PIEZO1: variants seen among roughly 807,000 people sequenced by gnomAD.
The protein encoded by PIEZO1 is piezo type mechanosensitive ion channel component 1 (Er blood group), also known as piezo-type mechanosensitive ion channel component 1.
A neutral mutation model predicts 297.2 loss-of-function variants in PIEZO1; 296 were observed. The observed-to-expected ratio is 1.00, with a 90% confidence interval of 0.91 to 1.10. The LOEUF is 1.10. Ranked by LOEUF, PIEZO1 falls within the 50% of genes least tolerant of loss-of-function variation. The pLI, the probability that PIEZO1 is intolerant of heterozygous loss-of-function variation, is 0.00. For synonymous variants in PIEZO1, 2,427 were observed against 1,507.5 expected, an observed-to-expected ratio of 1.61 and a Z score of -14.13; for missense variants, 5,018 against 3,455.5, an observed-to-expected ratio of 1.45 and a Z score of -11.34.
At chr16:88,717,868 C>T (rs986633882) in intron 44 of PIEZO1, 26 of 424,906 alleles carry the variant, frequency 6.1e-5, no homozygotes, top group African/African-American at 4.8e-4. Flanking sequence ...TGTGGCGGCT[C>T]ACACTTGTCA....
In PIEZO1 at chr16:88,726,826, C is replaced by T; in HGVS notation, c.3588G>A (p.Leu1196=). The T allele has an allele frequency of 6.5e-7, 1 of 1,550,340 alleles. No individual in the cohort carries two copies. The highest frequency in any genetic ancestry group is 8.7e-7 in the Non-Finnish European group (1 of 1,146,944). The stretch of plus-strand genomic sequence containing the variant: ...GCAGCAGGGCCGTGCCGAAGAGCAG[C>T]AGGTAGAAGCAGGCCAGCAGGTAGC... The part of the protein sequence containing the change: ...GLGYLLACFY[L]LLFGTALLQR... Residue 1196 remains leucine, a synonymous_variant, in exon 25 of 51, where the codon CTG becomes CTA. Coordinates refer to ENST00000301015, the MANE Select transcript of PIEZO1 (RefSeq NM_001142864.4).
At chr16:88,750,856 C>A (rs1295525808) in intron 1 of PIEZO1, among the ~76,000 whole-genome samples, 1 of 146,598 alleles carries the variant, frequency 6.8e-6, no homozygotes, top group African/African-American at 2.8e-5. Context: ...CACTATCCAC[C>A]CACCCTCCAC....
At chr16:88,727,317 C>CCTGGGTGAGTGG (rs1445033514) in intron 23 of PIEZO1, 125 bp from the exon 24 acceptor site, 8 of 1,146,994 alleles carry the variant, frequency 7.0e-6, no homozygotes, top group Non-Finnish European at 8.4e-6. Context: ...CACACGTCTG[C>CCTGGGTGAGTGG]CTGGGTGAGT....
At position 88,736,420 on chromosome 16, in the gene PIEZO1, A is replaced by G; in HGVS notation, c.1297-12T>C. On this transcript the variant is annotated splice_polypyrimidine_tract_variant and intron_variant, in intron 11 of 50. Coordinates refer to ENST00000301015, the MANE Select transcript of PIEZO1 (RefSeq NM_001142864.4). Reference sequence around the variant, plus strand: ...GTGATGCTCCATACCTGCGCGGCAGAGAGGGCTGCACAGCTGCCCAGCGCA... The same window carrying G: ...GTGATGCTCCATACCTGCGCGGCAGGGAGGGCTGCACAGCTGCCCAGCGCA... 1 of 1,535,916 alleles carries G rather than the reference A, an allele frequency of 6.5e-7. No homozygotes were observed. The highest frequency in any genetic ancestry group is 8.8e-7 in the Non-Finnish European group (1 of 1,139,594).
At chr16:88,747,438 C>T (rs1906121191) in intron 2 of PIEZO1, among the ~76,000 whole-genome samples, 2 of 152,346 alleles carry the variant, frequency 1.3e-5, no homozygotes, top group South Asian at 2.1e-4. Context: ...ATCGCTTGAA[C>T]CCGCGAGGCG....
intron 1 of PIEZO1, among the ~76,000 whole-genome samples, chr16:88,779,541 G>C (rs1457086838): frequency 6.6e-6 from 1 of 152,228 alleles, no homozygotes; most frequent in African/African-American, 2.4e-5. Flanking sequence ...CACTGGCCCT[G>C]AACCAGAACT....
At chr16:88,769,680 C>T (rs898035790) in intron 1 of PIEZO1, among the ~76,000 whole-genome samples, 1 of 151,644 alleles carries the variant, frequency 6.6e-6, no homozygotes. Flanking sequence ...GAGAGGACCC[C>T]GGGCCTGGCT....
At chr16:88,757,406 C>T (rs907541345) in intron 1 of PIEZO1, among the ~76,000 whole-genome samples, 1 of 150,708 alleles carries the variant, frequency 6.6e-6, no homozygotes, top group African/African-American at 2.4e-5. Flanking sequence ...TGTGTGGACA[C>T]TGGCAGCCTG....
rs570106950 is a variant in PIEZO1, at chr16:88,726,550, C to T, written c.3793G>A (p.Asp1265Asn). Residue 1265 changes from aspartate to asparagine, a missense_variant, in exon 26 of 51, where the codon GAC becomes AAC. Physicochemically the swap from Asp to Asn is conservative, Grantham distance 23. Transcript: ENST00000301015. ...CGCCACCGTCCTGGCCACTCACGGT[C>T]ATAGTAGCCCTTGACGGTGCATACA... ...SLVCTVKGYYDPKEMMDRDQD... is the reference protein window; with the variant it reads ...SLVCTVKGYYNPKEMMDRDQD... 2.4e-4 allele frequency: 371 copies of T among 1,549,564 alleles called. 1 individual carries two copies. In the African/African-American group the frequency reaches 4.7e-3, roughly 20 times the overall value.
chr16:88,778,807 C>A (rs1907793759), intron 1 of PIEZO1, among the ~76,000 whole-genome samples: 1 of 152,148 alleles, frequency 6.6e-6, no homozygotes, highest in Non-Finnish European at 1.5e-5. Flanking sequence ...GTGTGCCATC[C>A]CACACACTGG....
chr16:88,715,443 C>G lies in PIEZO1; in HGVS notation c.*162G>C. ...ACGCAGGCCGTGGGGACGCAGTGTC[C>G]TTCTCTGACAGCAGCATCAGGGCTC... On this transcript the variant is annotated 3_prime_UTR_variant, in exon 51 of 51. Coordinates refer to ENST00000301015, the MANE Select transcript of PIEZO1 (RefSeq NM_001142864.4). 1.1e-6 allele frequency: 1 copy of G among 941,812 alleles called. No individual in the cohort carries two copies. The highest frequency in any genetic ancestry group is 1.6e-6 in the Non-Finnish European group (1 of 637,274). 58.3% of individuals were successfully genotyped at this position (941,812 alleles called of 1,614,324 possible). A position where few individuals can be genotyped will look rare whatever the true frequency, so the allele number is the denominator to read the frequency against.
chr16:88,724,044 G>A (rs1294643927), intron 30 of PIEZO1, 73 bp from the exon 31 acceptor site: 4 of 924,952 alleles, frequency 4.3e-6, no homozygotes, highest in Middle Eastern at 2.1e-4. Context: ...CCGCCTGCAT[G>A]GGCCAAGGCC....
chr16:88,749,553 C>T (rs530056696), intron 1 of PIEZO1, 74 bp from the exon 2 acceptor site: 29 of 1,121,212 alleles, frequency 2.6e-5, no homozygotes, highest in South Asian at 1.2e-4. Context: ...AGCGCACCCA[C>T]GGCCCAGCTC....
At chr16:88,768,000 C>G (rs1907251012) in intron 1 of PIEZO1, among the ~76,000 whole-genome samples, 1 of 152,210 alleles carries the variant, frequency 6.6e-6, no homozygotes, top group South Asian at 2.1e-4. Context: ...CTGAGATTTC[C>G]CCCAGGCCCT....
In PIEZO1 at chr16:88,736,686, G is replaced by A. The variant is rs895963032; in HGVS notation, c.1249C>T (p.His417Tyr). 34 of 1,532,766 alleles carry A rather than the reference G, an allele frequency of 2.2e-5. No individual in the cohort carries two copies. The highest frequency in any genetic ancestry group is 3.0e-5 in the Non-Finnish European group (34 of 1,145,670). 94.9% of individuals were successfully genotyped at this position (1,532,766 alleles called of 1,614,324 possible). A position where few individuals can be genotyped will look rare whatever the true frequency, so the allele number is the denominator to read the frequency against. ...ACATAGCTCTGGTCCATGATGAGGTGGCCCAGGCTGTGGAGCGGAGACGCC... is the reference window on the plus strand; with the variant it reads ...ACATAGCTCTGGTCCATGATGAGGTAGCCCAGGCTGTGGAGCGGAGACGCC... ...REASPLHSLGHLIMDQSYVCA... is the reference protein window; with the variant it reads ...REASPLHSLGYLIMDQSYVCA... The change falls in exon 11 of 51, where the codon CAC becomes TAC. Residue 417 changes from histidine (H) to tyrosine (Y), a missense_variant. Transcript: ENST00000301015.
In PIEZO1 at chr16:88,722,648, T is replaced by C. The variant is rs1182560385; in HGVS notation, c.4710A>G (p.Thr1570=). Residue 1570 remains threonine, a synonymous_variant, in exon 35 of 51, where the codon ACA becomes ACG. Coordinates refer to ENST00000301015, the MANE Select transcript of PIEZO1 (RefSeq NM_001142864.4). ...VHRGVLDQLY[T]SQAEATLPGP... ...CTGGCAGCGTGGCCTCGGCCTGGCT[T>C]GTGTACAGCTGATCCAGCACGCCCC... 6.5e-7 allele frequency: 1 copy of C among 1,538,406 alleles called. No individual in the cohort carries two copies. The highest frequency in any genetic ancestry group is 2.4e-5 in the East Asian group (1 of 40,872).
At position 88,716,284 on chromosome 16, in the gene PIEZO1, G is replaced by C. The variant is rs1350459495; in HGVS notation, c.7050-7C>G. 1.3e-5 allele frequency: 20 copies of C among 1,489,684 alleles called. No individual in the cohort carries two copies. Among genetic ancestry groups the C allele is most frequent in the East Asian group, 9.9e-5 (4 of 40,324 alleles). 92.3% of individuals were successfully genotyped at this position (1,489,684 alleles called of 1,614,324 possible). On this transcript the variant is annotated splice_polypyrimidine_tract_variant and splice_region_variant and intron_variant, in intron 48 of 50. Transcript: ENST00000301015. ...GAAGAGATTAGGGATGACCCTGCAG[G>C]GAGGTGCTGGCAGGTCAGGCCTGGC...
chr16:88,721,502 C>G (rs1912450357), intron 38 of PIEZO1, 36 bp downstream of exon 38: 1 of 1,539,906 alleles, frequency 6.5e-7, no homozygotes, highest in East Asian at 2.5e-5. Flanking sequence ...AGAGGGCCTG[C>G]CCAGCCCCGC....
intron 2 of PIEZO1, chr16:88,743,654 T>A (rs1243192463): frequency 2.2e-6 from 1 of 456,440 alleles, no homozygotes; most frequent in Non-Finnish European, 4.4e-6. Context: ...CTCAGCCCCC[T>A]CTTTCTGGAG....
Sources: allele counts gnomAD v4.1 joint callset (sites outside exome capture counted in the v4.1 genomes callset), GRCh38; gene constraint gnomAD v4.1.1; transcripts MANE v1.5; gene names NCBI Gene and HGNC (gene_info 2026-07-23, HGNC 2026-07-21).